Variants in NIPBL observed in about 807,000 individuals in gnomAD.
NIPBL encodes the protein NIPBL cohesin loading factor.
A neutral mutation model predicts 321.8 loss-of-function variants in NIPBL; 19 were observed. The observed-to-expected ratio is 0.06, with a 90% CI of 0.04 to 0.09. NIPBL has a LOEUF of 0.09. Ranked by LOEUF, NIPBL falls within the 10% of genes least tolerant of loss-of-function variation. The probability of loss-of-function intolerance (pLI) is 1.00; values close to 1 mark genes in which losing one functional copy is unlikely to be tolerated. For missense variants in NIPBL, 2,210 were observed against 3,327.0 expected (o/e 0.66, Z 8.26); for synonymous variants, 1,106 against 1,114.1 (o/e 0.99, Z 0.14).
In NIPBL at chr5:36,984,792, G is replaced by T. The variant is rs28638115; in HGVS notation, c.1612G>T (p.Ala538Ser). ...TTCTACGGGAAATGGGTCAAGGCCA[G>T]CATTAATGGTTAGCATTGATCTTCA... is the stretch of plus-strand genomic sequence containing the variant. ...TGSTGNGSRP[A>S]LMVSIDLHQA... The change falls in exon 10 of 47, where the codon GCA becomes TCA. Residue 538 changes from alanine to serine, a missense_variant. Ala to Ser is a moderately conservative substitution (Grantham distance 99, BLOSUM62 1). This residue lies in a region of NIPBL where 588 missense variants were observed against 564.1 expected (regional missense o/e 1.04). Coordinates refer to ENST00000282516, the MANE Select transcript of NIPBL (RefSeq NM_133433.4). 6.2e-7 allele frequency: 1 copy of T among 1,613,748 alleles called. No individual in the cohort carries two copies. The highest frequency in any genetic ancestry group is 1.3e-5 in the African/African-American group (1 of 74,886).
At chr5:36,921,270 T>C (rs1748921381) in intron 1 of NIPBL, among the ~76,000 whole-genome samples, 1 of 152,130 alleles carries the variant, frequency 6.6e-6, no homozygotes, top group Non-Finnish European at 1.5e-5. Context: ...GACTACTATT[T>C]TGAAATAGAG....
intron 8 of NIPBL, 138 bp downstream of exon 8, chr5:36,972,179 G>A: frequency 1.6e-6 from 1 of 644,820 alleles, no homozygotes; most frequent in Non-Finnish European, 2.8e-6. Context: ...ACCTGTACAA[G>A]CAGGTCTGGA....
intron 3 of NIPBL, among the ~76,000 whole-genome samples, chr5:36,956,853 G>A (rs559684165): frequency 1.3e-4 from 19 of 151,834 alleles, no homozygotes; most frequent in Admixed American, 7.2e-4. Flanking sequence ...TCAAATTCCC[G>A]ACTTCAGGTG....
rs538397845 is a variant in NIPBL at position 36,970,354 on chromosome 5, C to T, written c.611-522C>T. Among the ~76,000 whole-genome samples, 6 of 150,688 alleles carry T rather than the reference C, an allele frequency of 4.0e-5. No individual in the cohort carries two copies. In the South Asian group the frequency reaches 1.3e-3, roughly 32 times the overall value. ...TGAGCTATGATCATGCCAGTGAACT[C>T]CAGTCTAGGTAACAGAGCTGTCTGT... On this transcript the variant is annotated intron_variant, in intron 6 of 46. Transcript: ENST00000282516.
At chr5:36,953,248 T>C (rs146474907) in intron 1 of NIPBL, among the ~76,000 whole-genome samples, 53 of 152,336 alleles carry the variant, frequency 3.5e-4, no homozygotes, top group African/African-American at 1.2e-3. Context: ...ATTGCAGTGC[T>C]TGTCGAGGTT....
chr5:37,003,447 A>G (rs1021903019), intron 16 of NIPBL, 100 bp downstream of exon 16: 3 of 713,740 alleles, frequency 4.2e-6, no homozygotes, highest in Non-Finnish European at 7.5e-6. Flanking sequence ...TTTCTCAGTT[A>G]CCTACAGTCA....
Position 37,056,040 on chromosome 5 carries a change from C to G in NIPBL, c.7264-1146C>G, listed in dbSNP as rs576810448. Among the ~76,000 whole-genome samples the G allele has an allele frequency of 5.3e-5, 8 of 151,918 alleles. No individual in the cohort carries two copies. The South Asian group carries it at 1.7e-3, about 32-fold the overall frequency. ...GCAGTCTAAACTATTCTTTGAAGAA[C>G]TTTGAAAGGAAAGAGAAATACAGGG... On this transcript the variant is annotated intron_variant, in intron 42 of 46. Transcript: ENST00000282516.
chr5:36,952,352 T>C (rs1464916894), intron 1 of NIPBL, among the ~76,000 whole-genome samples: 2 of 152,146 alleles, frequency 1.3e-5, no homozygotes, highest in African/African-American at 4.8e-5. Context: ...TTAAGTTTTT[T>C]AAACTGGAAA....
chr5:36,952,475 G>T (rs919709531), intron 1 of NIPBL, among the ~76,000 whole-genome samples: 1 of 151,986 alleles, frequency 6.6e-6, no homozygotes, highest in Non-Finnish European at 1.5e-5. Context: ...TGATTAATGC[G>T]TACATTGTTA....
intron 1 of NIPBL, among the ~76,000 whole-genome samples, chr5:36,936,263 C>T (rs575338946): frequency 2.2e-4 from 33 of 152,224 alleles, no homozygotes; most frequent in African/African-American, 7.9e-4. Context: ...ATATAACATA[C>T]ACAGTCATGC....
rs559949294 is a variant in NIPBL, at chr5:37,029,837, GTCT to G, written c.5862+2430_5862+2432del. Among the ~76,000 whole-genome samples, 710 of 152,166 alleles carry G rather than the reference GTCT, an allele frequency of 4.7e-3. 1 individual carries two copies. The highest frequency in any genetic ancestry group is 7.8e-3 in the Non-Finnish European group (533 of 67,986). Reference sequence around the variant, plus strand: ...TGTTTTCAATGTGTAATCTTAGACTGTCTTCTTAAATCATCTTTCATTTCATAT... The same window carrying G: ...TGTTTTCAATGTGTAATCTTAGACTGTCTTAAATCATCTTTCATTTCATAT... On this transcript the variant is annotated intron_variant, in intron 32 of 46. Coordinates refer to ENST00000282516, the MANE Select transcript of NIPBL (RefSeq NM_133433.4).
At chr5:36,887,271 A>G (rs904757214) in intron 1 of NIPBL, among the ~76,000 whole-genome samples, 1 of 152,194 alleles carries the variant, frequency 6.6e-6, no homozygotes, top group African/African-American at 2.4e-5. Flanking sequence ...TTGAACATAC[A>G]GCACATAGAA....
chr5:36,975,871 A>G lies in NIPBL; in HGVS notation c.964A>G (p.Lys322Glu). ...PDILLDSPERKQKKQKKMKLG... is the reference protein window; with the variant it reads ...PDILLDSPEREQKKQKKMKLG... The stretch of plus-strand genomic sequence containing the variant: ...TATCTTGCTAGATTCTCCAGAAAGA[A>G]AACAAAAGAAGCAGAAGAAAATGAA... Residue 322 changes from lysine (K) to glutamate (E), a missense_variant, in exon 9 of 47, where the codon AAA (lysine) becomes GAA (glutamate). Physicochemically the swap from Lys to Glu is moderately conservative, Grantham distance 56. Coordinates refer to ENST00000282516, the MANE Select transcript of NIPBL (RefSeq NM_133433.4). The G allele has an allele frequency of 6.2e-7, 1 of 1,612,024 alleles. No individual in the cohort carries two copies. The highest frequency in any genetic ancestry group is 1.1e-5 in the South Asian group (1 of 90,576).
chr5:36,937,728 T>G (rs1037464703), intron 1 of NIPBL, among the ~76,000 whole-genome samples: 1 of 152,186 alleles, frequency 6.6e-6, no homozygotes, highest in Non-Finnish European at 1.5e-5. Flanking sequence ...CAACTACTAA[T>G]TCACTTTTAT....
intron 44 of NIPBL, among the ~76,000 whole-genome samples, chr5:37,059,850 A>G (rs1169282296): frequency 6.6e-6 from 1 of 152,198 alleles, no homozygotes; most frequent in Non-Finnish European, 1.5e-5. Context: ...AGTACTCTAT[A>G]AAGTAAGAGA....
intron 14 of NIPBL, among the ~76,000 whole-genome samples, chr5:37,002,367 T>C (rs1746915342): frequency 6.6e-6 from 1 of 152,172 alleles, no homozygotes; most frequent in African/African-American, 2.4e-5. Flanking sequence ...AGACTCTTGA[T>C]GTAGTCCATT....
intron 25 of NIPBL, 144 bp downstream of exon 25, chr5:37,019,544 A>G (rs1027804438): frequency 1.5e-6 from 1 of 676,488 alleles, no homozygotes; most frequent in Admixed American, 2.1e-5. Flanking sequence ...TGATAATCTA[A>G]ACAGAAAAGA....
At chr5:36,913,881 A>C (rs1332005136) in intron 1 of NIPBL, among the ~76,000 whole-genome samples, 1 of 152,134 alleles carries the variant, frequency 6.6e-6, no homozygotes, top group Non-Finnish European at 1.5e-5. Flanking sequence ...TATTTTCATA[A>C]TCTATTATTA....
chr5:36,918,018 G>C (rs1365484973), intron 1 of NIPBL, among the ~76,000 whole-genome samples: 1 of 152,058 alleles, frequency 6.6e-6, no homozygotes, highest in African/African-American at 2.4e-5. Context: ...CTCTTTTTTG[G>C]TTCCATGTGA....
Sources: gnomAD v4.1 joint callset for allele counts (sites outside exome capture counted in the v4.1 genomes callset) on GRCh38, gnomAD v4.1.1 for gene constraint, gnomAD v4.1.1 regional missense constraint, MANE v1.5 for transcripts, NCBI Gene and HGNC (gene_info 2026-07-23, HGNC 2026-07-21) for gene names.